Variants in ANKIB1 observed in about 807,000 individuals in gnomAD.
ANKIB1 encodes ankyrin repeat and IBR domain containing 1, also known as ankyrin repeat and IBR domain-containing protein 1.
In ANKIB1, 43 loss-of-function variants were observed where a neutral mutation model predicts 122.1. The ratio of observed to expected loss-of-function variants is 0.35; its 90% confidence interval spans 0.28 to 0.45. ANKIB1 has a LOEUF of 0.45. Ranked by LOEUF, ANKIB1 falls within the 20% of genes least tolerant of loss-of-function variation. The probability of loss-of-function intolerance (pLI) is 1.00; values close to 1 mark genes in which losing one functional copy is unlikely to be tolerated. For missense variants in ANKIB1, 992 were observed against 1,329.5 expected, an observed-to-expected ratio of 0.75 and a Z score of 3.95; for synonymous variants, 390 against 442.0, an observed-to-expected ratio of 0.88 and a Z score of 1.48.
chr7:92,266,665 G>A (rs962001981), intron 1 of ANKIB1, among the ~76,000 whole-genome samples: 2 of 152,192 alleles, frequency 1.3e-5, no homozygotes, highest in Admixed American at 1.3e-4. Context: ...ATCTTCTAGG[G>A]TGCTGGGGGA....
chr7:92,358,876 TGAGAAATG>T lies in ANKIB1; in HGVS notation c.1398-3308_1398-3301del, dbSNP rs560891069. On this transcript the variant is annotated intron_variant, in intron 9 of 19. Coordinates refer to ENST00000265742, the MANE Select transcript of ANKIB1 (RefSeq NM_019004.2). Reference sequence around the variant, plus strand: ...ACAAGCTTTTTTAAAAAATGAGTCATGAGAAATGTAGATTCTGCATTCCCACCTGTGTT... The same window carrying T: ...ACAAGCTTTTTTAAAAAATGAGTCATTAGATTCTGCATTCCCACCTGTGTT... Among the ~76,000 whole-genome samples, 26 of 152,258 alleles carry T rather than the reference TGAGAAATG, an allele frequency of 1.7e-4. 1 individual carries two copies. In the South Asian group the frequency reaches 5.2e-3, roughly 30 times the overall value.
chr7:92,332,021 A>G (rs1212200618), intron 5 of ANKIB1, among the ~76,000 whole-genome samples: 4 of 152,192 alleles, frequency 2.6e-5, no homozygotes, highest in African/African-American at 9.7e-5. Context: ...TTTTTACTCC[A>G]TTGATATTTC....
At chr7:92,362,472 G>A (rs868788452) in intron 10 of ANKIB1, among the ~76,000 whole-genome samples, 199 bp downstream of exon 10, 1 of 152,188 alleles carries the variant, frequency 6.6e-6, no homozygotes, top group Non-Finnish European at 1.5e-5. Context: ...TCATGGACAA[G>A]TTCCATGTTT....
intron 3 of ANKIB1, among the ~76,000 whole-genome samples, chr7:92,309,734 G>A (rs891380425): frequency 2.0e-5 from 3 of 151,212 alleles, no homozygotes; most frequent in Non-Finnish European, 4.4e-5. Flanking sequence ...AGACCAGCCT[G>A]GCCAATATGG....
chr7:92,276,836 A>G (rs1801915374), intron 1 of ANKIB1, among the ~76,000 whole-genome samples: 5 of 152,364 alleles, frequency 3.3e-5, no homozygotes. Context: ...GAGGACACTC[A>G]TAGTACCTGA....
chr7:92,296,107 C>CT (rs1481797031), intron 2 of ANKIB1, among the ~76,000 whole-genome samples: 5 of 152,078 alleles, frequency 3.3e-5, no homozygotes, highest in Non-Finnish European at 7.4e-5. Context: ...AATTAAGCTG[C>CT]TTTTTTTGCT....
chr7:92,256,518 T>G (rs1437074217), intron 1 of ANKIB1, among the ~76,000 whole-genome samples: 3 of 152,214 alleles, frequency 2.0e-5, no homozygotes, highest in African/African-American at 7.2e-5. Flanking sequence ...ATAATTCCTA[T>G]TTTCAAGGAG....
At chr7:92,309,943 ATATAT>A (rs1479665123) in intron 3 of ANKIB1, among the ~76,000 whole-genome samples, 1 of 102,552 alleles carries the variant, frequency 9.8e-6, no homozygotes, top group Non-Finnish European at 2.0e-5. Flanking sequence ...AAAAAAAAAA[ATATAT>A]ATATATATAT....
At position 92,336,559 on chromosome 7, in the gene ANKIB1, G is replaced by T. The variant is rs116712572; in HGVS notation, c.788-6465G>T. 1.8e-3 allele frequency among the ~76,000 whole-genome samples: 272 copies of T among 152,158 alleles called. 1 individual carries two copies. Among genetic ancestry groups the T allele is most frequent in the African/African-American group, 6.1e-3 (254 of 41,512 alleles). ...TCTTAGACAATTAGAGTATATTGCT[G>T]TAGGCATTATATGTAGGCTTCAGTT... On this transcript the variant is annotated intron_variant, in intron 5 of 19. Coordinates refer to ENST00000265742, the MANE Select transcript of ANKIB1 (RefSeq NM_019004.2).
At chr7:92,370,765 G>A (rs1213485249) in intron 10 of ANKIB1, among the ~76,000 whole-genome samples, 3 of 152,012 alleles carry the variant, frequency 2.0e-5, no homozygotes, top group Non-Finnish European at 4.4e-5. Context: ...GAAAAACATG[G>A]AGAGATTTTT....
intron 19 of ANKIB1, 89 bp downstream of exon 19, chr7:92,397,948 T>C: frequency 6.8e-7 from 1 of 1,474,720 alleles, no homozygotes; most frequent in Non-Finnish European, 9.1e-7. Context: ...CGCTTTCCTA[T>C]TTCTTCCTTC....
intron 1 of ANKIB1, among the ~76,000 whole-genome samples, chr7:92,276,889 G>A (rs577852522): frequency 1.2e-4 from 18 of 152,332 alleles, no homozygotes; most frequent in East Asian, 3.9e-4. Flanking sequence ...TTGTTGAATT[G>A]TAATCTGTAA....
intron 10 of ANKIB1, among the ~76,000 whole-genome samples, chr7:92,370,736 A>T (rs989454356): frequency 5.3e-5 from 8 of 152,108 alleles, no homozygotes; most frequent in African/African-American, 1.9e-4. Flanking sequence ...AATATGTAAA[A>T]TATTTTGTGT....
chr7:92,326,791 T>G (rs1803035647), intron 4 of ANKIB1, among the ~76,000 whole-genome samples: 1 of 152,076 alleles, frequency 6.6e-6, no homozygotes, highest in African/African-American at 2.4e-5. Context: ...TATAGAAAAG[T>G]TTTGGTTAAC....
At chr7:92,383,445 G>C (rs577553731) in intron 11 of ANKIB1, among the ~76,000 whole-genome samples, 1 of 152,166 alleles carries the variant, frequency 6.6e-6, no homozygotes, top group African/African-American at 2.4e-5. Flanking sequence ...CAAAAAAAGA[G>C]AATTTTAGAC....
chr7:92,258,070 T>C (rs1710367267), intron 1 of ANKIB1, among the ~76,000 whole-genome samples: 1 of 152,160 alleles, frequency 6.6e-6, no homozygotes, highest in Admixed American at 6.5e-5. Context: ...GGATATGATA[T>C]TCCGATTTGA....
intron 5 of ANKIB1, among the ~76,000 whole-genome samples, chr7:92,328,585 G>T (rs549089223): frequency 1.3e-5 from 2 of 152,048 alleles, no homozygotes; most frequent in South Asian, 4.2e-4. Context: ...TGACATTTTG[G>T]CTGGTTTCAT....
chr7:92,292,573 T>C (rs1016348198), intron 1 of ANKIB1, among the ~76,000 whole-genome samples: 3 of 152,204 alleles, frequency 2.0e-5, no homozygotes, highest in African/African-American at 7.2e-5. Context: ...TGTGTTTTAT[T>C]CTATCAAGGA....
At chr7:92,381,123 G>A (rs1373948245) in intron 11 of ANKIB1, among the ~76,000 whole-genome samples, 20 of 150,974 alleles carry the variant, frequency 1.3e-4, no homozygotes, top group Non-Finnish European at 1.5e-5. Context: ...TAAGCTTCAA[G>A]TGGAAGAAAA....
Sources: gnomAD v4.1 joint callset for allele counts (sites outside exome capture counted in the v4.1 genomes callset) on GRCh38, gnomAD v4.1.1 for gene constraint, MANE v1.5 for transcripts, NCBI Gene and HGNC (gene_info 2026-07-23, HGNC 2026-07-21) for gene names.